The following SHQ1 variants were observed in gnomAD, a reference collection of about 807,000 sequenced individuals.
SHQ1 encodes SHQ1, H/ACA ribonucleoprotein assembly factor.
Under a neutral mutation model 53.8 loss-of-function variants are expected in SHQ1, and 49 were observed. The ratio of observed to expected loss-of-function variants is 0.91; its 90% confidence interval spans 0.72 to 1.16. The LOEUF (loss-of-function observed/expected upper bound fraction) is 1.16. SHQ1 is among the 50% of genes most tolerant of loss of function. The pLI is 0.00. For missense variants in SHQ1, 738 were observed against 683.1 expected (o/e 1.08, Z -0.90); for synonymous variants, 243 against 251.0 (o/e 0.97, Z 0.30).
At chr3:72,795,736 C>A (rs897519911) in intron 9 of SHQ1, 1 of 152,236 alleles carries the variant, frequency 6.6e-6, no homozygotes, top group Non-Finnish European at 1.5e-5. Flanking sequence ...GAATAAGCTT[C>A]TCTGCTGTGT....
chr3:72,794,630 C>T (rs1309905757), intron 9 of SHQ1: 5 of 152,238 alleles, frequency 3.3e-5, no homozygotes, highest in African/African-American at 9.6e-5. Flanking sequence ...CTTTCAGATT[C>T]CAGACTCTAC....
At chr3:72,752,591 AT>A (rs1378894172) in intron 10 of SHQ1, among the ~76,000 whole-genome samples, 1 of 151,140 alleles carries the variant, frequency 6.6e-6, no homozygotes, top group Admixed American at 6.6e-5. Context: ...CAGTGGTGTG[AT>A]CTCGGCTCAC....
chr3:72,833,785 T>G (rs1218533783), intron 4 of SHQ1, among the ~76,000 whole-genome samples: 2 of 152,224 alleles, frequency 1.3e-5, no homozygotes, highest in African/African-American at 4.8e-5. Context: ...TCACCAGAAT[T>G]GCGAAGCAAA....
chr3:72,790,679 TAAAAC>T (rs1464874249), intron 10 of SHQ1, among the ~76,000 whole-genome samples: 1 of 152,024 alleles, frequency 6.6e-6, no homozygotes, highest in African/African-American at 2.4e-5. Context: ...AAATTAAGAA[TAAAAC>T]TAGAAATTTT....
At chr3:72,737,782 C>T in the SHQ1 span, among the ~76,000 whole-genome samples, 1 of 152,170 alleles carries the variant, frequency 6.6e-6, no homozygotes, top group African/African-American at 2.4e-5. Flanking sequence ...GAGTGGTTTT[C>T]CACCCACAGC....
the SHQ1 span, among the ~76,000 whole-genome samples, chr3:72,742,686 G>A: frequency 7.1e-6 from 1 of 140,434 alleles, no homozygotes; most frequent in East Asian, 2.0e-4. Flanking sequence ...GCATAATCTC[G>A]GCTCACTGCA....
intron 6 of SHQ1, among the ~76,000 whole-genome samples, chr3:72,822,200 T>C (rs1406328349): frequency 6.6e-6 from 1 of 152,186 alleles, no homozygotes; most frequent in Non-Finnish European, 1.5e-5. Context: ...CATTTGGTAT[T>C]ATTAGAAGAG....
At chr3:72,813,538 C>T (rs1273602968) in intron 8 of SHQ1, among the ~76,000 whole-genome samples, 5 of 148,954 alleles carry the variant, frequency 3.4e-5, no homozygotes, top group African/African-American at 9.9e-5. Flanking sequence ...GGCCGACGGG[C>T]GGACCACAAG....
At chr3:72,774,546 C>A (rs748853685) in intron 10 of SHQ1, among the ~76,000 whole-genome samples, 2 of 152,000 alleles carry the variant, frequency 1.3e-5, no homozygotes, top group African/African-American at 2.4e-5. Flanking sequence ...AATCCATATG[C>A]TTGGAAAGGA....
chr3:72,802,748 C>T (rs1321948191), intron 9 of SHQ1, among the ~76,000 whole-genome samples: 1 of 152,106 alleles, frequency 6.6e-6, no homozygotes, highest in African/African-American at 2.4e-5. Context: ...TTAATCCCTC[C>T]TCCCACTACT....
chr3:72,789,182 G>A (rs2106784411), intron 10 of SHQ1, among the ~76,000 whole-genome samples: 1 of 152,032 alleles, frequency 6.6e-6, no homozygotes, highest in East Asian at 1.9e-4. Flanking sequence ...GGTTGAATTA[G>A]ATTAAGTGAC....
chr3:72,793,144 A>G, intron 9 of SHQ1, 108 bp from the exon 10 acceptor site: 1 of 1,038,728 alleles, frequency 9.6e-7, no homozygotes, highest in Non-Finnish European at 1.4e-6. Context: ...TCTTAAGAAC[A>G]TTTTTAAATG....
At chr3:72,828,923 T>C (rs964421409) in intron 5 of SHQ1, among the ~76,000 whole-genome samples, 2 of 151,956 alleles carry the variant, frequency 1.3e-5, no homozygotes, top group African/African-American at 4.8e-5. Context: ...TAAGACATCA[T>C]ACTAATGGTT....
intron 4 of SHQ1, among the ~76,000 whole-genome samples, chr3:72,833,301 C>T (rs1015564883): frequency 6.6e-6 from 1 of 151,974 alleles, no homozygotes; most frequent in Non-Finnish European, 1.5e-5. Context: ...ATTAGCCAGG[C>T]ATGGTGGCTC....
rs1270118418 is a variant in SHQ1 at position 72,823,039 on chromosome 3, C to T, written c.727+1385G>A. ...TGGCCGGTGCCTGTAGTCCCAGCTA[C>T]TTGGGAGGCTGAGGTAGGAGAATGG... On this transcript the variant is annotated intron_variant, in intron 6 of 10. Coordinates refer to ENST00000325599, the MANE Select transcript of SHQ1 (RefSeq NM_018130.3). 2.0e-5 allele frequency among the ~76,000 whole-genome samples: 3 copies of T among 151,014 alleles called. No homozygotes were observed. In the East Asian group the frequency reaches 5.9e-4, roughly 30 times the overall value.
At chr3:72,830,560 G>A (rs754653606) in intron 5 of SHQ1, among the ~76,000 whole-genome samples, 1 of 152,026 alleles carries the variant, frequency 6.6e-6, no homozygotes, top group Non-Finnish European at 1.5e-5. Flanking sequence ...AAGAATTTTA[G>A]TTGCATTTCA....
chr3:72,828,749 T>C (rs916021285), intron 5 of SHQ1, among the ~76,000 whole-genome samples: 1 of 152,042 alleles, frequency 6.6e-6, no homozygotes, highest in African/African-American at 2.4e-5. Flanking sequence ...CAAACATTCA[T>C]TATTGCTGTG....
chr3:72,841,561 G>C (rs1708179687), intron 3 of SHQ1, among the ~76,000 whole-genome samples: 1 of 152,212 alleles, frequency 6.6e-6, no homozygotes, highest in African/African-American at 2.4e-5. Context: ...ACCCTGGAGA[G>C]AGGGCAAAGT....
intron 8 of SHQ1, among the ~76,000 whole-genome samples, chr3:72,813,784 C>T (rs1313171340): frequency 3.6e-5 from 5 of 140,280 alleles, no homozygotes; most frequent in African/African-American, 5.3e-5. Flanking sequence ...AAAAAAAATA[C>T]ATAGAACTCT....
Sources: gnomAD v4.1 joint callset for allele counts (sites outside exome capture counted in the v4.1 genomes callset) on GRCh38, gnomAD v4.1.1 for gene constraint, MANE v1.5 for transcripts, NCBI Gene and HGNC (gene_info 2026-07-23, HGNC 2026-07-21) for gene names.